SEMA5B: variants seen among roughly 807,000 people sequenced by gnomAD.
SEMA5B encodes the protein semaphorin 5B.
SEMA5B carries 66 observed loss-of-function variants against 135.0 expected under a neutral mutation model. The observed-to-expected ratio is 0.49, with a 90% CI of 0.40 to 0.60. The LOEUF is 0.60. SEMA5B is among the 20% of genes least tolerant of loss of function. The probability of loss-of-function intolerance (pLI) is 0.00; values close to 1 mark genes in which losing one functional copy is unlikely to be tolerated. For synonymous variants in SEMA5B, 690 were observed against 639.5 expected (o/e 1.08, Z -1.19); for missense variants, 1,501 against 1,566.3 (o/e 0.96, Z 0.70).
intron 4 of SEMA5B, among the ~76,000 whole-genome samples, chr3:122,941,596 G>A (rs897267388): frequency 2.6e-5 from 4 of 152,242 alleles, no homozygotes; most frequent in Non-Finnish European, 5.9e-5. Context: ...ACTACATGCA[G>A]TAACTGACTT....
At chr3:122,975,291 G>C (rs768556668) in intron 1 of SEMA5B, 3 of 152,472 alleles carry the variant, frequency 2.0e-5, no homozygotes, top group Non-Finnish European at 4.4e-5. Flanking sequence ...TGTGATGGAT[G>C]CTCCCCTGTC....
At chr3:122,977,272 C>T (rs1941361902) in intron 1 of SEMA5B, among the ~76,000 whole-genome samples, 1 of 152,202 alleles carries the variant, frequency 6.6e-6, no homozygotes, top group African/African-American at 2.4e-5. Context: ...AAAGTAATCC[C>T]TGACTCCGTG....
chr3:122,959,190 G>A (rs1940469003), intron 2 of SEMA5B, among the ~76,000 whole-genome samples: 1 of 152,184 alleles, frequency 6.6e-6, no homozygotes, highest in South Asian at 2.1e-4. Flanking sequence ...AGTGGTCTAT[G>A]CTCTTTATAT....
At chr3:123,020,863 C>T (rs1294677042) in intron 1 of SEMA5B, among the ~76,000 whole-genome samples, 2 of 152,206 alleles carry the variant, frequency 1.3e-5, no homozygotes, top group African/African-American at 4.8e-5. Context: ...AGACTTGAGG[C>T]TGTTCACCCC....
At chr3:122,914,926 G>A (rs1937985439) in intron 14 of SEMA5B, among the ~76,000 whole-genome samples, 1 of 138,382 alleles carries the variant, frequency 7.2e-6, no homozygotes, top group African/African-American at 3.5e-5. Flanking sequence ...AAGAAAAAGT[G>A]TCTAATGGAG....
At chr3:122,930,084 A>T (rs926373595) in intron 5 of SEMA5B, among the ~76,000 whole-genome samples, 8 of 152,214 alleles carry the variant, frequency 5.3e-5, no homozygotes, top group African/African-American at 1.9e-4. Context: ...GGGAGGGGAA[A>T]AAAAAGAGCC....
intron 2 of SEMA5B, among the ~76,000 whole-genome samples, chr3:122,951,712 G>C (rs1049326028): frequency 8.5e-5 from 13 of 152,236 alleles, no homozygotes; most frequent in Non-Finnish European, 1.6e-4. Flanking sequence ...ATCCCCCTGA[G>C]GGGGCAGAGT....
Position 122,913,311 on chromosome 3 carries a change from G to A in SEMA5B, c.2394C>T (p.Phe798=), listed in dbSNP as rs1288242887. The change falls in exon 17 of 23, where the codon TTC becomes TTT. Residue 798 remains phenylalanine (F), a synonymous_variant. Transcript: ENST00000357599. ...CAAGGGGCGCGCGGCAGGTGAAGCG[G>A]AACCGCTGCTCCTGCCGTGCCCCGC... ...TQGGARQEQR[F]RFTCRAPLAD... 2 of 1,573,510 alleles carry A rather than the reference G, an allele frequency of 1.3e-6. No homozygotes were observed. Among genetic ancestry groups the A allele is most frequent in the South Asian group, 2.3e-5 (2 of 87,512 alleles).
intron 1 of SEMA5B, among the ~76,000 whole-genome samples, chr3:123,007,691 C>T (rs767688271): frequency 1.1e-4 from 17 of 152,282 alleles, no homozygotes; most frequent in Non-Finnish European, 2.4e-4. Flanking sequence ...CCTGCACCAC[C>T]TTGGGATTCT....
chr3:123,000,569 G>A (rs949510202), intron 1 of SEMA5B, among the ~76,000 whole-genome samples: 1 of 152,186 alleles, frequency 6.6e-6, no homozygotes, highest in Non-Finnish European at 1.5e-5. Context: ...TAAACTCTGT[G>A]AAGTGGGGTC....
At chr3:122,993,683 C>T (rs530600383) in intron 1 of SEMA5B, among the ~76,000 whole-genome samples, 68 of 152,130 alleles carry the variant, frequency 4.5e-4, no homozygotes, top group Non-Finnish European at 8.4e-4. Context: ...GGGGGATGGG[C>T]GGTGAGAGAC....
At chr3:122,971,193 G>T (rs2107645408) in intron 1 of SEMA5B, among the ~76,000 whole-genome samples, 1 of 152,350 alleles carries the variant, frequency 6.6e-6, no homozygotes, top group Non-Finnish European at 1.5e-5. Flanking sequence ...AGAGCAGGAT[G>T]GGAGAATTAT....
intron 4 of SEMA5B, 151 bp downstream of exon 4, chr3:122,943,285 G>A (rs1049861247): frequency 2.2e-5 from 13 of 588,076 alleles, no homozygotes; most frequent in Middle Eastern, 6.0e-4. Context: ...TTCCTCCTGT[G>A]GGGGGACAGA....
rs140866804 is a variant in SEMA5B at position 122,966,536 on chromosome 3, T to TTTATTATTATTATTATTA, written c.-38-5253_-38-5236dup. Among the ~76,000 whole-genome samples, 88 of 141,534 alleles carry TTTATTATTATTATTATTA rather than the reference T, an allele frequency of 6.2e-4. 1 individual carries two copies. Among genetic ancestry groups the TTTATTATTATTATTATTA allele is most frequent in the African/African-American group, 2.1e-3 (77 of 37,556 alleles). The allele number at this position is 141,534 out of a possible 152,430, so 92.9% of individuals were successfully genotyped here. A position where few individuals can be genotyped will look rare whatever the true frequency, so the allele number is the denominator to read the frequency against. ...AGCATGGAAATTCATTGTAAGAATG[T>TTTATTATTATTATTATTA]TTATTATTATTATTATTATTATTAT... On this transcript the variant is annotated intron_variant, in intron 1 of 22. Transcript: ENST00000357599.
intron 1 of SEMA5B, among the ~76,000 whole-genome samples, chr3:122,973,126 C>G (rs146333416): frequency 2.6e-5 from 4 of 152,330 alleles, no homozygotes; most frequent in African/African-American, 9.6e-5. Flanking sequence ...ACTCATAATA[C>G]TCTCTTTGGG....
In SEMA5B at chr3:122,915,903, C is replaced by T. The variant is rs371742617; in HGVS notation, c.1689-13G>A. ...CCCCAGGCATGCCCTGCCAGACAGA[C>T]GTCCTGAGATTCAAGCCCACTGGCT... On this transcript the variant is annotated splice_polypyrimidine_tract_variant and intron_variant, in intron 12 of 22. Coordinates refer to ENST00000357599, the MANE Select transcript of SEMA5B (RefSeq NM_001031702.4). 9.3e-5 allele frequency: 149 copies of T among 1,610,478 alleles called. No homozygotes were observed. Among genetic ancestry groups the T allele is most frequent in the East Asian group, 5.3e-4 (24 of 44,868 alleles).
Position 123,006,177 on chromosome 3 carries a change from C to T in SEMA5B, c.-39+21287G>A, listed in dbSNP as rs552847618. Reference sequence around the variant, plus strand: ...GGGAAAAGCATTTCATCCATCTTTGCGTCTCCAATGTCTGGTGTTGGTAAA... The same window carrying T: ...GGGAAAAGCATTTCATCCATCTTTGTGTCTCCAATGTCTGGTGTTGGTAAA... On this transcript the variant is annotated intron_variant, in intron 1 of 22. Coordinates refer to ENST00000357599, the MANE Select transcript of SEMA5B (RefSeq NM_001031702.4). 4.6e-5 allele frequency among the ~76,000 whole-genome samples: 7 copies of T among 152,324 alleles called. No homozygotes were observed. The South Asian group carries it at 1.0e-3, about 23-fold the overall frequency.
chr3:122,922,065 T>G lies in SEMA5B; in HGVS notation c.1538A>C (p.Tyr513Ser), dbSNP rs1938382052. Residue 513 changes from tyrosine (Y) to serine (S), a missense_variant, in exon 12 of 23, where the codon TAC (tyrosine) becomes TCC (serine). This residue lies in a region of SEMA5B where 927 missense variants were observed against 881.6 expected (regional missense o/e 1.05). Transcript: ENST00000357599. ...GGGCAGCACGTGCAGCTCCTCCAGG[T>G]AGCAGCCGTGGAGGCTGCGGCTCGC... ...STASRSLHGC[Y>S]LEELHVLPPG... is the part of the protein sequence containing the mutation. The G allele has an allele frequency of 1.3e-6, 2 of 1,496,286 alleles. No homozygotes were observed. The highest frequency in any genetic ancestry group is 2.7e-5 in the South Asian group (2 of 74,010). 92.7% of individuals were successfully genotyped at this position (1,496,286 alleles called of 1,614,324 possible).
At chr3:122,954,609 G>A (rs1940199345) in intron 2 of SEMA5B, among the ~76,000 whole-genome samples, 1 of 152,186 alleles carries the variant, frequency 6.6e-6, no homozygotes, top group Non-Finnish European at 1.5e-5. Flanking sequence ...GGCTTACAGG[G>A]ACGTGCTCTA....
Sources: gnomAD v4.1 joint callset for allele counts (sites outside exome capture counted in the v4.1 genomes callset) on GRCh38, gnomAD v4.1.1 for gene constraint, gnomAD v4.1.1 regional missense constraint, MANE v1.5 for transcripts, NCBI Gene and HGNC (gene_info 2026-07-23, HGNC 2026-07-21) for gene names.